CNTN4: variants seen among roughly 807,000 people sequenced by gnomAD.
The protein encoded by CNTN4 is contactin 4.
Under a neutral mutation model 122.5 loss-of-function variants are expected in CNTN4, and 77 were observed. The observed-to-expected ratio is 0.63, with a 90% CI of 0.52 to 0.76. CNTN4 has a LOEUF of 0.76. Among genes scored for constraint, CNTN4 ranks in the 30% least tolerant of loss-of-function variants. CNTN4 has a pLI of 0.00. For synonymous variants in CNTN4, 512 were observed against 447.0 expected, an observed-to-expected ratio of 1.15 and a Z score of -1.83; for missense variants, 1,256 against 1,259.1, an observed-to-expected ratio of 1.00 and a Z score of 0.04.
At chr3:2,583,787 T>C (rs1000112461) in intron 4 of CNTN4, among the ~76,000 whole-genome samples, 1 of 152,218 alleles carries the variant, frequency 6.6e-6, no homozygotes, top group Non-Finnish European at 1.5e-5. Flanking sequence ...AGATGTTGGG[T>C]GTACCGAGAT....
At chr3:2,638,547 C>G (rs2082766472) in intron 4 of CNTN4, among the ~76,000 whole-genome samples, 1 of 151,814 alleles carries the variant, frequency 6.6e-6, no homozygotes, top group Admixed American at 6.6e-5. Flanking sequence ...TTTTTTAAAA[C>G]TGCAATAATC....
intron 2 of CNTN4, among the ~76,000 whole-genome samples, chr3:2,253,284 C>T (rs2040445382): frequency 6.6e-6 from 1 of 152,028 alleles, no homozygotes; most frequent in Admixed American, 6.6e-5. Context: ...TTTTTCTGCC[C>T]ATTAGAATAA....
At chr3:2,922,744 T>C (rs964244810) in intron 12 of CNTN4, among the ~76,000 whole-genome samples, 1 of 151,524 alleles carries the variant, frequency 6.6e-6, no homozygotes, top group East Asian at 2.0e-4. Flanking sequence ...TCCCCAGTAG[T>C]TGGATTACAG....
chr3:2,892,871 C>G (rs2094059932), intron 10 of CNTN4, among the ~76,000 whole-genome samples: 1 of 152,126 alleles, frequency 6.6e-6, no homozygotes, highest in Non-Finnish European at 1.5e-5. Context: ...AAAATAAGAT[C>G]CAGAGATACA....
At position 2,326,502 on chromosome 3, in the gene CNTN4, A is replaced by ACC. The variant is rs200978551; in HGVS notation, c.-144-12675_-144-12674insCC. ...AATAAATTTACACACACACACACAC[A>ACC]CACACACACACACACACACACACAC... On this transcript the variant is annotated intron_variant, in intron 2 of 24. Coordinates refer to ENST00000418658, the MANE Select transcript of CNTN4 (RefSeq NM_175607.3). Among the ~76,000 whole-genome samples the ACC allele has an allele frequency of 3.2e-3, 408 of 128,346 alleles. 8 individuals are homozygous for ACC. Among genetic ancestry groups the ACC allele is most frequent in the Admixed American group, 0.025 (321 of 12,820 alleles). The allele number at this position is 128,346 out of a possible 152,430, so 84.2% of individuals were successfully genotyped here. A position where few individuals can be genotyped will look rare whatever the true frequency, so the allele number is the denominator to read the frequency against.
At chr3:2,948,837 A>G (rs1426579114) in intron 13 of CNTN4, among the ~76,000 whole-genome samples, 1 of 152,184 alleles carries the variant, frequency 6.6e-6, no homozygotes, top group Non-Finnish European at 1.5e-5. Flanking sequence ...TGAATGCCAA[A>G]ACACAACTTT....
At chr3:2,745,876 G>A (rs964559964) in intron 6 of CNTN4, among the ~76,000 whole-genome samples, 179 bp downstream of exon 6, 14 of 152,172 alleles carry the variant, frequency 9.2e-5, no homozygotes, top group Non-Finnish European at 1.9e-4. Context: ...AAATCTAAGT[G>A]AGAAGATGTA....
chr3:2,853,016 A>G (rs2093571239), intron 7 of CNTN4, among the ~76,000 whole-genome samples: 1 of 152,230 alleles, frequency 6.6e-6, no homozygotes, highest in Non-Finnish European at 1.5e-5. Flanking sequence ...CCAGATGGAT[A>G]GGAAATTAGT....
chr3:2,176,661 A>C (rs572640178), intron 2 of CNTN4, among the ~76,000 whole-genome samples: 1 of 152,210 alleles, frequency 6.6e-6, no homozygotes. Context: ...ACAGATTAGC[A>C]TGATATGCCA....
chr3:2,578,661 G>A (rs1473620140), intron 4 of CNTN4, among the ~76,000 whole-genome samples: 1 of 152,184 alleles, frequency 6.6e-6, no homozygotes, highest in East Asian at 1.9e-4. Context: ...TTTAGTTACT[G>A]CAAAGCATAG....
chr3:2,551,210 GA>G (rs1232515582), intron 3 of CNTN4, among the ~76,000 whole-genome samples: 3 of 152,110 alleles, frequency 2.0e-5, no homozygotes. Flanking sequence ...CAGAACCAGA[GA>G]AAGGTATCAC....
chr3:2,880,051 G>T (rs377714046), intron 8 of CNTN4, among the ~76,000 whole-genome samples: 1 of 152,134 alleles, frequency 6.6e-6, no homozygotes, highest in East Asian at 1.9e-4. Context: ...AGGATTTTAG[G>T]ACGCGGAGAT....
At chr3:2,381,392 A>G (rs1051422199) in intron 3 of CNTN4, among the ~76,000 whole-genome samples, 7 of 152,174 alleles carry the variant, frequency 4.6e-5, no homozygotes, top group Non-Finnish European at 7.3e-5. Flanking sequence ...CCTTAGAACA[A>G]TGTACAGAAC....
intron 3 of CNTN4, among the ~76,000 whole-genome samples, chr3:2,377,312 T>C (rs561850379): frequency 7.8e-4 from 119 of 152,322 alleles, no homozygotes; most frequent in African/African-American, 2.8e-3. Flanking sequence ...TGAACTCTCT[T>C]TAATATGAGT....
chr3:2,701,450 TC>T (rs1255859979), intron 4 of CNTN4, among the ~76,000 whole-genome samples: 4 of 152,124 alleles, frequency 2.6e-5, no homozygotes, highest in Non-Finnish European at 5.9e-5. Context: ...GCAGTGGTTT[TC>T]CCCCCAGCGT....
At chr3:2,842,626 T>C (rs1176562875) in intron 7 of CNTN4, among the ~76,000 whole-genome samples, 2 of 152,206 alleles carry the variant, frequency 1.3e-5, no homozygotes, top group African/African-American at 2.4e-5. Context: ...CCTCAGTCCA[T>C]TGGGACTTTT....
chr3:2,858,931 T>C (rs2093645041), intron 7 of CNTN4, among the ~76,000 whole-genome samples: 1 of 152,210 alleles, frequency 6.6e-6, no homozygotes, highest in Admixed American at 6.5e-5. Context: ...GAAAATTTAC[T>C]CTCAGCAATT....
chr3:2,754,335 G>A (rs745734799), intron 6 of CNTN4, among the ~76,000 whole-genome samples: 1 of 152,174 alleles, frequency 6.6e-6, no homozygotes, highest in Admixed American at 6.5e-5. Context: ...GTAGATGACT[G>A]TAAGTCATAC....
Position 2,170,358 on chromosome 3 carries a change from T to C in CNTN4, c.-145+69719T>C, listed in dbSNP as rs534470033. ...AACAACAACAAAAAGAGGAATAATATTATATTCACAGAAGAAAGAAATACA... is the reference window on the plus strand; with the variant it reads ...AACAACAACAAAAAGAGGAATAATACTATATTCACAGAAGAAAGAAATACA... On this transcript the variant is annotated intron_variant, in intron 2 of 24. Coordinates refer to ENST00000418658, the MANE Select transcript of CNTN4 (RefSeq NM_175607.3). 3.3e-5 allele frequency among the ~76,000 whole-genome samples: 5 copies of C among 151,896 alleles called. No individual in the cohort carries two copies. In the South Asian group the frequency reaches 8.4e-4, roughly 25 times the overall value.
Sources: gnomAD v4.1 joint callset for allele counts (sites outside exome capture counted in the v4.1 genomes callset) on GRCh38, gnomAD v4.1.1 for gene constraint, MANE v1.5 for transcripts, NCBI Gene and HGNC (gene_info 2026-07-23, HGNC 2026-07-21) for gene names.